The following NTF3 variants were observed in gnomAD, a reference collection of about 807,000 sequenced individuals.
NTF3 encodes the protein neurotrophin-3.
Under a neutral mutation model 26.3 loss-of-function variants are expected in NTF3, and 8 were observed. The ratio of observed to expected loss-of-function variants is 0.30; its 90% CI spans 0.18 to 0.55. The LOEUF is 0.55. Ranked by LOEUF, NTF3 falls within the 20% of genes least tolerant of loss-of-function variation. NTF3 has a pLI of 0.93. For missense variants in NTF3, 276 were observed against 352.9 expected (o/e 0.78, Z 1.75); for synonymous variants, 154 against 145.5 (o/e 1.06, Z -0.42).
chr12:5,464,080 G>A (rs1940557594), intron 1 of NTF3, among the ~76,000 whole-genome samples: 1 of 152,142 alleles, frequency 6.6e-6, no homozygotes. Flanking sequence ...CCTTTACACT[G>A]GTGTAACTAA....
chr12:5,444,386 G>T (rs1940278171), intron 1 of NTF3, among the ~76,000 whole-genome samples: 1 of 152,214 alleles, frequency 6.6e-6, no homozygotes, highest in Non-Finnish European at 1.5e-5. Flanking sequence ...TGGAGAGAGA[G>T]CAGGAGTCCC....
Position 5,494,703 on chromosome 12 carries a change from A to G in NTF3, c.528A>G (p.Ser176=). 2 of 1,614,192 alleles carry G rather than the reference A, an allele frequency of 1.2e-6. No homozygotes were observed. The highest frequency in any genetic ancestry group is 1.7e-6 in the Non-Finnish European group (2 of 1,180,032). ...DSESLWVTDK[S]SAIDIRGHQV... Reference sequence around the variant, plus strand: ...AGAGTCTGTGGGTGACCGACAAGTCATCGGCCATCGACATTCGGGGACACC... The same window carrying G: ...AGAGTCTGTGGGTGACCGACAAGTCGTCGGCCATCGACATTCGGGGACACC... Residue 176 remains serine, a synonymous_variant, in exon 2 of 2, where the codon TCA becomes TCG. Transcript: ENST00000423158. The surrounding 1 kb of genome is among the most constrained non-coding windows in gnomAD (Gnocchi z 8.3).
At chr12:5,468,913 G>A (rs1940627965) in intron 1 of NTF3, among the ~76,000 whole-genome samples, 1 of 152,160 alleles carries the variant, frequency 6.6e-6, no homozygotes, top group Admixed American at 6.5e-5. Context: ...TTTAGCCCAG[G>A]AGTAAGAGAC....
intron 1 of NTF3, among the ~76,000 whole-genome samples, chr12:5,468,698 G>T (rs534062335): frequency 6.6e-6 from 1 of 152,180 alleles, no homozygotes; most frequent in Admixed American, 6.5e-5. Context: ...CCAGCCTGAC[G>T]CCAATGCTGC....
chr12:5,436,933 A>G (rs911844239), intron 1 of NTF3, among the ~76,000 whole-genome samples: 2 of 152,240 alleles, frequency 1.3e-5, no homozygotes, highest in Non-Finnish European at 2.9e-5. Context: ...TATGCAGACC[A>G]CAGCACCAAA....
At chr12:5,471,642 T>C (rs1940668112) in intron 1 of NTF3, among the ~76,000 whole-genome samples, 1 of 151,260 alleles carries the variant, frequency 6.6e-6, no homozygotes, top group Non-Finnish European at 1.5e-5. Flanking sequence ...TGGAGGGCAG[T>C]GAAGAACAGT....
chr12:5,484,122 C>G (rs1386562396), intron 1 of NTF3, among the ~76,000 whole-genome samples: 3 of 152,154 alleles, frequency 2.0e-5, no homozygotes, highest in African/African-American at 7.2e-5. Flanking sequence ...ACTGACTGCT[C>G]TGTGTGTGAC....
intron 1 of NTF3, among the ~76,000 whole-genome samples, chr12:5,491,090 A>C (rs761451123): frequency 5.9e-5 from 9 of 152,214 alleles, no homozygotes; most frequent in Non-Finnish European, 1.0e-4. Context: ...TGTTGCGCCT[A>C]CGAACCAAAT....
intron 1 of NTF3, among the ~76,000 whole-genome samples, chr12:5,467,994 C>T (rs938061486): frequency 1.3e-5 from 2 of 152,120 alleles, no homozygotes; most frequent in African/African-American, 4.8e-5. Context: ...TGCCCCTCCA[C>T]CCCCCACATT....
intron 1 of NTF3, among the ~76,000 whole-genome samples, chr12:5,493,223 C>A (rs1021105291): frequency 2.0e-5 from 3 of 152,208 alleles, no homozygotes; most frequent in Non-Finnish European, 4.4e-5. Flanking sequence ...CACCAGGACG[C>A]CACCGGAGTC....
At chr12:5,454,021 G>T (rs972732477) in intron 1 of NTF3, among the ~76,000 whole-genome samples, 9 of 152,200 alleles carry the variant, frequency 5.9e-5, no homozygotes, top group Admixed American at 4.6e-4. Flanking sequence ...ACCCCTGAGA[G>T]TTGGGAAGTG....
intron 1 of NTF3, among the ~76,000 whole-genome samples, chr12:5,444,749 G>A (rs901179521): frequency 9.2e-5 from 14 of 152,120 alleles, no homozygotes; most frequent in African/African-American, 1.4e-4. Context: ...AGATCCCTCC[G>A]GCTGCAGTGT....
Position 5,494,558 on chromosome 12 carries a change from C to T in NTF3, c.383C>T (p.Pro128Leu). The T allele has an allele frequency of 6.2e-7, 1 of 1,614,098 alleles. No homozygotes were observed. The highest frequency in any genetic ancestry group is 1.6e-4 in the Middle Eastern group (1 of 6,062). Residue 128 changes from proline to leucine, a missense_variant, in exon 2 of 2, where the codon CCG becomes CTG. This residue lies in a region of NTF3 where 221 missense variants were observed against 258.2 expected (regional missense o/e 0.86). Coordinates refer to ENST00000423158, the MANE Select transcript of NTF3 (RefSeq NM_001102654.2). The surrounding 1 kb of genome is among the most constrained non-coding windows in gnomAD (Gnocchi z 8.3). Reference sequence around the variant, plus strand: ...AGCGACAGCACCCCCTTGGAGCCCCCGCCCTTGTATCTCATGGAGGATTAC... The same window carrying T: ...AGCGACAGCACCCCCTTGGAGCCCCTGCCCTTGTATCTCATGGAGGATTAC... The part of the protein sequence containing the change: ...LLSDSTPLEP[P>L]PLYLMEDYVG...
chr12:5,468,360 C>T (rs544686478), intron 1 of NTF3, among the ~76,000 whole-genome samples: 1 of 152,244 alleles, frequency 6.6e-6, no homozygotes, highest in African/African-American at 2.4e-5. Context: ...TTTGAGAACA[C>T]TAGGGCCTTT....
At chr12:5,444,320 C>T (rs975640608) in intron 1 of NTF3, among the ~76,000 whole-genome samples, 2 of 152,146 alleles carry the variant, frequency 1.3e-5, no homozygotes, top group Non-Finnish European at 2.9e-5. Context: ...AGAAAGAGAG[C>T]GTGAGCAGGG....
intron 1 of NTF3, among the ~76,000 whole-genome samples, chr12:5,452,142 C>G (rs1940382068): frequency 6.9e-6 from 1 of 145,982 alleles, no homozygotes; most frequent in Non-Finnish European, 1.5e-5. Flanking sequence ...TCTTGCCGGG[C>G]TGGAAGGCAG....
intron 1 of NTF3, among the ~76,000 whole-genome samples, chr12:5,487,218 C>G (rs1940877601): frequency 6.6e-6 from 1 of 152,234 alleles, no homozygotes; most frequent in African/African-American, 2.4e-5. Context: ...TGGGGAATAA[C>G]TGTCCTACCT....
rs1177553286 is a variant in NTF3 at position 5,433,784 on chromosome 12, C to T, written c.18+1442C>T. Among the ~76,000 whole-genome samples, 1 of 151,136 alleles carries T rather than the reference C, an allele frequency of 6.6e-6. No individual in the cohort carries two copies. The highest frequency in any genetic ancestry group is 1.5e-5 in the Non-Finnish European group (1 of 67,824). On this transcript the variant is annotated intron_variant, in intron 1 of 1. Coordinates refer to ENST00000423158, the MANE Select transcript of NTF3 (RefSeq NM_001102654.2). This position sits in a 1 kb window ranked among gnomAD's most constrained non-coding sequence, Gnocchi z 4.6. Reference sequence around the variant, plus strand: ...GCTCCCGGGAGCGCCGGGCTCAGAGCTAGAGAGCTCGGGAGACTGTGCGCC... The same window carrying T: ...GCTCCCGGGAGCGCCGGGCTCAGAGTTAGAGAGCTCGGGAGACTGTGCGCC...
In NTF3 at chr12:5,492,530, A is replaced by G. The variant is rs560477958; in HGVS notation, c.19-1664A>G. ...GTCACTTGTATGCAGAATAGGAGGG[A>G]GATTCCTTATGCTGTAGAGGAACCA... is the stretch of plus-strand genomic sequence containing the variant. On this transcript the variant is annotated intron_variant, in intron 1 of 1. Coordinates refer to ENST00000423158, the MANE Select transcript of NTF3 (RefSeq NM_001102654.2). 1.1e-3 allele frequency among the ~76,000 whole-genome samples: 173 copies of G among 152,310 alleles called. 1 individual carries two copies. Among genetic ancestry groups the G allele is most frequent in the African/African-American group, 3.8e-3 (159 of 41,576 alleles).
Sources: allele counts gnomAD v4.1 joint callset (sites outside exome capture counted in the v4.1 genomes callset), GRCh38; gene constraint gnomAD v4.1.1; regional missense constraint gnomAD v4.1.1; non-coding constraint Gnocchi (gnomAD v3.1); transcripts MANE v1.5; gene names NCBI Gene and HGNC (gene_info 2026-07-23, HGNC 2026-07-21).